Variants in SUGCT observed in about 807,000 individuals in gnomAD.
SUGCT encodes succinyl-CoA:glutarate CoA-transferase.
SUGCT carries 41 observed loss-of-function variants against 55.0 expected under a neutral mutation model. The ratio of observed to expected loss-of-function variants is 0.74; its 90% CI spans 0.58 to 0.97. The LOEUF (loss-of-function observed/expected upper bound fraction) is 0.97, where lower values mean the gene tolerates loss of function less well. Among genes scored for constraint, SUGCT ranks in the 50% least tolerant of loss-of-function variants. The probability of loss-of-function intolerance (pLI) is 0.00; values close to 1 mark genes in which losing one functional copy is unlikely to be tolerated. For synonymous variants in SUGCT, 187 were observed against 200.4 expected (o/e 0.93, Z 0.56); for missense variants, 568 against 547.8 (o/e 1.04, Z -0.37).
the SUGCT span, among the ~76,000 whole-genome samples, chr7:40,954,419 C>T: frequency 6.6e-6 from 1 of 152,160 alleles, no homozygotes; most frequent in African/African-American, 2.4e-5. Context: ...CGATGCCTTG[C>T]CTTGCTTCAG....
intron 12 of SUGCT, among the ~76,000 whole-genome samples, chr7:40,726,373 A>G (rs1031730486): frequency 2.0e-5 from 3 of 152,230 alleles, no homozygotes; most frequent in Non-Finnish European, 4.4e-5. Context: ...TTCATTAAGT[A>G]GAAGTGGATT....
chr7:40,626,335 C>A (rs532895291), intron 12 of SUGCT, among the ~76,000 whole-genome samples: 1 of 151,984 alleles, frequency 6.6e-6, no homozygotes, highest in Admixed American at 6.5e-5. Context: ...TGGCTCACTA[C>A]AACCTCCGCC....
intron 6 of SUGCT, among the ~76,000 whole-genome samples, chr7:40,195,737 CAG>C (rs1786240401): frequency 1.2e-5 from 1 of 85,192 alleles, no homozygotes; most frequent in Non-Finnish European, 2.1e-5. Context: ...TTTTTTGAGA[CAG>C]AGTCTCACTC....
At chr7:40,843,466 C>T (rs1046213350) in intron 13 of SUGCT, among the ~76,000 whole-genome samples, 16 of 146,156 alleles carry the variant, frequency 1.1e-4, no homozygotes, top group African/African-American at 2.5e-4. Context: ...GCTGAGATCA[C>T]GCCACTGCAC....
intron 12 of SUGCT, among the ~76,000 whole-genome samples, chr7:40,697,731 C>CA (rs1228144469): frequency 1.3e-5 from 2 of 152,178 alleles, no homozygotes; most frequent in Non-Finnish European, 2.9e-5. Context: ...CCCAAGCAGG[C>CA]AGTGTGTTAG....
intron 6 of SUGCT, among the ~76,000 whole-genome samples, chr7:40,205,562 A>G (rs1786920035): frequency 6.8e-6 from 1 of 148,132 alleles, no homozygotes; most frequent in South Asian, 2.1e-4. Context: ...AATCACTTGA[A>G]CCCTGGAGGC....
At chr7:40,572,584 G>A (rs1451456754) in intron 12 of SUGCT, among the ~76,000 whole-genome samples, 1 of 152,016 alleles carries the variant, frequency 6.6e-6, no homozygotes, top group Non-Finnish European at 1.5e-5. Context: ...ACTTTAATGG[G>A]GATTATCTTC....
the SUGCT span, among the ~76,000 whole-genome samples, chr7:40,963,826 C>T: frequency 6.6e-6 from 1 of 152,112 alleles, no homozygotes; most frequent in Non-Finnish European, 1.5e-5. Flanking sequence ...GGTCAAACTG[C>T]CGTGTTTCAT....
In SUGCT at chr7:40,798,647, G is replaced by A. The variant is rs74837813; in HGVS notation, c.1153+49150G>A. On this transcript the variant is annotated intron_variant, in intron 13 of 13. Coordinates refer to ENST00000335693, the MANE Select transcript of SUGCT (RefSeq NM_001193313.2). ...AATCTTGTTTTCTTTATTGCCATAA[G>A]GTTCAAATACCACCACTTATTTTGT... Among the ~76,000 whole-genome samples the A allele has an allele frequency of 2.3e-4, 35 of 152,224 alleles. No homozygotes were observed. The East Asian group carries it at 6.8e-3, about 29-fold the overall frequency.
chr7:41,026,930 G>T, the SUGCT span, among the ~76,000 whole-genome samples: 2 of 152,116 alleles, frequency 1.3e-5, no homozygotes, highest in African/African-American at 4.8e-5. Flanking sequence ...TACTCAGGAG[G>T]CTGAGGCAGG....
intron 12 of SUGCT, among the ~76,000 whole-genome samples, chr7:40,615,438 C>A (rs1339824549): frequency 6.6e-6 from 1 of 152,094 alleles, no homozygotes; most frequent in Non-Finnish European, 1.5e-5. Context: ...CCCTTTAATT[C>A]TCAAGTGAGA....
the SUGCT span, among the ~76,000 whole-genome samples, chr7:41,013,625 T>G: frequency 6.6e-6 from 1 of 152,130 alleles, no homozygotes; most frequent in Non-Finnish European, 1.5e-5. Flanking sequence ...GTATATGCAT[T>G]TTGTGGGTGT....
intron 12 of SUGCT, among the ~76,000 whole-genome samples, chr7:40,546,224 C>G (rs1314058989): frequency 6.6e-6 from 1 of 152,180 alleles, no homozygotes; most frequent in African/African-American, 2.4e-5. Flanking sequence ...TGGAACCTCA[C>G]TTTAACTCCT....
intron 3 of SUGCT, among the ~76,000 whole-genome samples, chr7:40,184,499 T>A (rs1785387687): frequency 7.0e-6 from 1 of 142,904 alleles, no homozygotes; most frequent in Non-Finnish European, 1.5e-5. Flanking sequence ...CCTTATTAAA[T>A]TTTTTTTTTT....
the SUGCT span, among the ~76,000 whole-genome samples, chr7:40,882,109 A>C: frequency 6.6e-6 from 1 of 152,204 alleles, no homozygotes; most frequent in African/African-American, 2.4e-5. Flanking sequence ...GATCTGCCAC[A>C]CACAGGAATG....
intron 13 of SUGCT, among the ~76,000 whole-genome samples, chr7:40,752,572 T>TC (rs1045080330): frequency 6.6e-6 from 1 of 152,102 alleles, no homozygotes; most frequent in Non-Finnish European, 1.5e-5. Context: ...GCCAGGCTGG[T>TC]CTCAAACTCC....
At chr7:40,344,024 T>C (rs914088900) in intron 9 of SUGCT, among the ~76,000 whole-genome samples, 5 of 152,196 alleles carry the variant, frequency 3.3e-5, no homozygotes, top group African/African-American at 9.7e-5. Context: ...AGGTTGCGTA[T>C]TGGATATTCA....
At chr7:40,772,989 T>C (rs746203952) in intron 13 of SUGCT, among the ~76,000 whole-genome samples, 5 of 152,264 alleles carry the variant, frequency 3.3e-5, no homozygotes, top group Middle Eastern at 3.4e-3. Context: ...CCTCACTTTC[T>C]TAACTAATGT....
In SUGCT at chr7:40,434,438, G is replaced by A. The variant is rs74893486; in HGVS notation, c.817-14849G>A. On this transcript the variant is annotated intron_variant, in intron 9 of 13. Transcript: ENST00000335693. Reference sequence around the variant, plus strand: ...TTCCTATAGTCACACATAGAATGGTGTAATGATTTTTTCATTGGCAGATTC... The same window carrying A: ...TTCCTATAGTCACACATAGAATGGTATAATGATTTTTTCATTGGCAGATTC... Among the ~76,000 whole-genome samples, 381 of 152,086 alleles carry A rather than the reference G, an allele frequency of 2.5e-3. 9 individuals are homozygous for A. The East Asian group carries it at 0.057, about 23-fold the overall frequency.
Sources: allele counts gnomAD v4.1 joint callset (sites outside exome capture counted in the v4.1 genomes callset), GRCh38; gene constraint gnomAD v4.1.1; transcripts MANE v1.5; gene names NCBI Gene and HGNC (gene_info 2026-07-23, HGNC 2026-07-21).